Variants in SMIM35 observed in about 807,000 individuals in gnomAD.
The protein encoded by SMIM35 is TMPRSS4 antisense RNA 1 (non-protein coding).
chr11:118,012,750 G>A (rs1591273742), intron 4 of SMIM35, among the ~76,000 whole-genome samples: 1 of 152,170 alleles, frequency 6.6e-6, no homozygotes, highest in South Asian at 2.1e-4. Context: ...GGGCAGAGTC[G>A]AGGCCCAGCT....
chr11:118,030,459 G>T (rs1011390140), intron 1 of SMIM35, among the ~76,000 whole-genome samples: 2 of 152,120 alleles, frequency 1.3e-5, no homozygotes, highest in African/African-American at 2.4e-5. Context: ...AACAACCCAA[G>T]ATGTTCAAAT....
chr11:118,012,358 C>T (rs1481839921), intron 4 of SMIM35, among the ~76,000 whole-genome samples: 7 of 152,244 alleles, frequency 4.6e-5, no homozygotes, highest in Non-Finnish European at 1.0e-4. Context: ...GGAGTGATGA[C>T]TCACGAGGGG....
intron 1 of SMIM35, among the ~76,000 whole-genome samples, chr11:118,037,398 TTATAGCTGC>T (rs1262174175): frequency 6.6e-6 from 1 of 152,132 alleles, no homozygotes; most frequent in Non-Finnish European, 1.5e-5. Flanking sequence ...AGTAACAATA[TTATAGCTGC>T]TAGAGGTCCT....
At chr11:118,015,642 G>A (rs1385940151) in intron 2 of SMIM35, 51 bp downstream of exon 2, 2 of 399,228 alleles carry the variant, frequency 5.0e-6, no homozygotes, top group Middle Eastern at 6.3e-4. Context: ...ACTGCTATGG[G>A]AGAGGAGGAG....
At chr11:118,046,345 A>T (rs1174027353) in intron 1 of SMIM35, among the ~76,000 whole-genome samples, 1 of 152,200 alleles carries the variant, frequency 6.6e-6, no homozygotes, top group Non-Finnish European at 1.5e-5. Flanking sequence ...ATACCACATT[A>T]GATTAGATGG....
chr11:118,014,320 G>A (rs897474588), intron 3 of SMIM35, among the ~76,000 whole-genome samples: 1 of 151,976 alleles, frequency 6.6e-6, no homozygotes, highest in African/African-American at 2.4e-5. Context: ...AAGGAAGGAA[G>A]GAAGGGAAGG....
chr11:118,055,415 C>A (rs1378211262), intron 1 of SMIM35, among the ~76,000 whole-genome samples: 2 of 152,198 alleles, frequency 1.3e-5, no homozygotes, highest in Non-Finnish European at 2.9e-5. Flanking sequence ...CTTACTCACT[C>A]TATGCCACAC....
chr11:118,072,054 CAACCACAGTGTCT>C (rs1944579207), intron 1 of SMIM35, among the ~76,000 whole-genome samples: 2 of 152,134 alleles, frequency 1.3e-5, no homozygotes, highest in African/African-American at 4.8e-5. Context: ...TTATTTTTCC[CAACCACAGTGTCT>C]AACCACATTG....
intron 1 of SMIM35, among the ~76,000 whole-genome samples, chr11:118,065,717 C>A (rs1405193467): frequency 6.6e-6 from 1 of 152,150 alleles, no homozygotes; most frequent in Non-Finnish European, 1.5e-5. Flanking sequence ...TATTTAAGCC[C>A]CAGAAAATTC....
At chr11:118,070,865 C>T (rs1375710815) in intron 1 of SMIM35, among the ~76,000 whole-genome samples, 4 of 152,088 alleles carry the variant, frequency 2.6e-5, no homozygotes, top group Non-Finnish European at 4.4e-5. Flanking sequence ...CAGTGTAGGC[C>T]CCCTCCAGGA....
chr11:118,061,429 C>T (rs1186927397), intron 1 of SMIM35, among the ~76,000 whole-genome samples: 2 of 152,234 alleles, frequency 1.3e-5, no homozygotes, highest in Non-Finnish European at 2.9e-5. Context: ...CAATGTATTA[C>T]ATTTTTTAAG....
chr11:118,027,924 G>A (rs1011305866), intron 1 of SMIM35, among the ~76,000 whole-genome samples: 5 of 152,200 alleles, frequency 3.3e-5, no homozygotes, highest in African/African-American at 9.7e-5. Flanking sequence ...ATGTGGATCC[G>A]TAACCATGTA....
chr11:118,024,342 C>T (rs964928903), intron 1 of SMIM35, among the ~76,000 whole-genome samples: 5 of 152,292 alleles, frequency 3.3e-5, no homozygotes, highest in Admixed American at 6.5e-5. Context: ...CCGTAAGAAT[C>T]ATTCTTTTTA....
At chr11:118,057,474 C>T (rs1944332071) in intron 1 of SMIM35, among the ~76,000 whole-genome samples, 1 of 152,102 alleles carries the variant, frequency 6.6e-6, no homozygotes, top group Non-Finnish European at 1.5e-5. Flanking sequence ...CCGTGGGCAT[C>T]TAGATGACAC....
chr11:118,059,144 A>T (rs1248660300), intron 1 of SMIM35: 1 of 152,294 alleles, frequency 6.6e-6, no homozygotes. Context: ...CAGAGGCCAG[A>T]GTGTGTGATT....
At chr11:118,008,814 C>T (rs938721377) in intron 4 of SMIM35, among the ~76,000 whole-genome samples, 3 of 152,344 alleles carry the variant, frequency 2.0e-5, no homozygotes, top group African/African-American at 7.2e-5. Context: ...AGGTTTAAAA[C>T]CTGATTCTGC....
intron 4 of SMIM35, among the ~76,000 whole-genome samples, chr11:118,006,688 G>A (rs1488556152): frequency 6.6e-6 from 1 of 152,214 alleles, no homozygotes; most frequent in Non-Finnish European, 1.5e-5. Flanking sequence ...GCTTGTGGCT[G>A]AACAGATACT....
chr11:118,077,207 G>A, intron 1 of SMIM35: 1 of 1,519,234 alleles, frequency 6.6e-7, no homozygotes, highest in Non-Finnish European at 8.9e-7. Context: ...TGACCTGCTG[G>A]CCAGCCAGGA....
intron 1 of SMIM35, among the ~76,000 whole-genome samples, chr11:118,055,744 T>A (rs1367132258): frequency 6.6e-6 from 1 of 152,184 alleles, no homozygotes; most frequent in African/African-American, 2.4e-5. Flanking sequence ...ATTGATTCGA[T>A]AATCATATAC....
Sources: allele counts gnomAD v4.1 joint callset (sites outside exome capture counted in the v4.1 genomes callset), GRCh38; gene constraint gnomAD v4.1.1; transcripts MANE v1.5; gene names NCBI Gene and HGNC (gene_info 2026-07-23, HGNC 2026-07-21).